Variants in COPG2 observed in about 807,000 individuals in gnomAD.
COPG2 encodes the protein coatomer subunit gamma-2.
A neutral mutation model predicts 46.3 loss-of-function variants in COPG2; 37 were observed. The ratio of observed to expected loss-of-function variants is 0.80; its 90% CI spans 0.61 to 1.05. The LOEUF is 1.05. Among genes scored for constraint, COPG2 ranks in the 50% least tolerant of loss-of-function variants. The pLI is 0.00. For synonymous variants in COPG2, 159 were observed against 129.7 expected, an observed-to-expected ratio of 1.23 and a Z score of -1.53; for missense variants, 427 against 387.8, an observed-to-expected ratio of 1.10 and a Z score of -0.85.
intron 4 of COPG2, among the ~76,000 whole-genome samples, chr7:130,662,031 A>C (rs62473531): frequency 1.3e-5 from 2 of 152,050 alleles, no homozygotes; most frequent in Non-Finnish European, 2.9e-5. Flanking sequence ...GGGGCCCTGA[A>C]AAGTAGAATG....
intron 9 of COPG2, among the ~76,000 whole-genome samples, chr7:130,586,817 C>G (rs1379833877): frequency 6.6e-6 from 1 of 151,968 alleles, no homozygotes; most frequent in Non-Finnish European, 1.5e-5. Context: ...AAATGTGAAT[C>G]TTTTCCTTCC....
chr7:130,607,767 A>G (rs782511684), intron 9 of COPG2: 8 of 519,892 alleles, frequency 1.5e-5, no homozygotes, highest in South Asian at 1.1e-4. Flanking sequence ...TGTTTTGACC[A>G]CTCTGTCCAG....
intron 9 of COPG2, among the ~76,000 whole-genome samples, chr7:130,602,076 T>C (rs1469400958): frequency 6.6e-6 from 1 of 152,168 alleles, no homozygotes; most frequent in African/African-American, 2.4e-5. Context: ...GGACCTTGAA[T>C]CAAACTGGAC....
chr7:130,532,703 G>GAAA (rs1799840515), intron 20 of COPG2, among the ~76,000 whole-genome samples: 1 of 152,146 alleles, frequency 6.6e-6, no homozygotes, highest in Non-Finnish European at 1.5e-5. Flanking sequence ...GAAAGGTATC[G>GAAA]GGAAGGCTTC....
intron 5 of COPG2, among the ~76,000 whole-genome samples, chr7:130,623,464 C>G (rs1010277562): frequency 6.6e-6 from 1 of 152,140 alleles, no homozygotes; most frequent in South Asian, 2.1e-4. Context: ...TAATTGTACA[C>G]GCCTTAGATT....
intron 9 of COPG2, among the ~76,000 whole-genome samples, chr7:130,570,408 G>A (rs149985827): frequency 0.14 from 20,969 of 152,140 alleles, 2,539 homozygotes; most frequent in African/African-American, 0.33. Context: ...TACAGCAACA[G>A]TGAGCCAGCA....
intron 9 of COPG2, chr7:130,610,183 T>C: frequency 2.1e-6 from 1 of 468,590 alleles, no homozygotes; most frequent in South Asian, 1.6e-5. Context: ...TAACTAATAC[T>C]TATCATTAGA....
chr7:130,527,138 TG>T (rs1273135741), intron 20 of COPG2, among the ~76,000 whole-genome samples: 64,447 of 151,246 alleles, frequency 0.43, 16,651 homozygotes, highest in East Asian at 0.6. Context: ...AGGAAGCCCC[TG>T]GAAGGACCTG....
At chr7:130,598,503 A>G (rs1389415745) in intron 9 of COPG2, among the ~76,000 whole-genome samples, 1 of 152,210 alleles carries the variant, frequency 6.6e-6, no homozygotes, top group Non-Finnish European at 1.5e-5. Flanking sequence ...GATACATCCT[A>G]AGCCCAGGAA....
chr7:130,641,282 T>C (rs1795461163), intron 5 of COPG2, among the ~76,000 whole-genome samples: 1 of 151,862 alleles, frequency 6.6e-6, no homozygotes, highest in South Asian at 2.1e-4. Context: ...TTGAGCTATG[T>C]GGAAAAGGCA....
intron 5 of COPG2, among the ~76,000 whole-genome samples, chr7:130,629,179 T>A (rs1287920773): frequency 6.6e-6 from 1 of 152,106 alleles, no homozygotes; most frequent in African/African-American, 2.4e-5. Flanking sequence ...TGTTTTGTCC[T>A]TTTTTGGGGG....
At chr7:130,617,347 A>C (rs1794968178) in intron 5 of COPG2, among the ~76,000 whole-genome samples, 1 of 152,216 alleles carries the variant, frequency 6.6e-6, no homozygotes, top group African/African-American at 2.4e-5. Context: ...TAAACAAAAC[A>C]ACCCCTTCCC....
chr7:130,570,466 A>T (rs1016690413), intron 9 of COPG2, among the ~76,000 whole-genome samples: 11 of 152,334 alleles, frequency 7.2e-5, no homozygotes, highest in African/African-American at 2.2e-4. Flanking sequence ...CTGCAATAAA[A>T]TAAAATACTT....
Position 130,634,612 on chromosome 7 carries a change from C to T in COPG2, c.324-17547G>A, listed in dbSNP as rs941258196. Among the ~76,000 whole-genome samples the T allele has an allele frequency of 1.5e-4, 23 of 152,196 alleles. 1 individual carries two copies. The highest frequency in any genetic ancestry group is 8.3e-4 in the South Asian group (4 of 4,822). On this transcript the variant is annotated intron_variant, in intron 5 of 23. Coordinates refer to ENST00000425248, the MANE Select transcript of COPG2 (RefSeq NM_012133.6). Reference sequence around the variant, plus strand: ...GTTGCTTATCAGCTTAAGGAGATTTCGGGCTGAGATGATGGGGTTTTCCAA... The same window carrying T: ...GTTGCTTATCAGCTTAAGGAGATTTTGGGCTGAGATGATGGGGTTTTCCAA...
intron 20 of COPG2, among the ~76,000 whole-genome samples, chr7:130,525,042 G>C (rs959359776): frequency 2.0e-5 from 3 of 152,168 alleles, no homozygotes; most frequent in Non-Finnish European, 4.4e-5. Flanking sequence ...GGGAGAAAAT[G>C]GGTGGATGAG....
At chr7:130,568,744 A>T (rs1473300888) in intron 9 of COPG2, among the ~76,000 whole-genome samples, 1 of 152,202 alleles carries the variant, frequency 6.6e-6, no homozygotes, top group African/African-American at 2.4e-5. Context: ...TCTACCCAAC[A>T]ACTGCAGAAT....
chr7:130,514,532 AG>A (rs1799662061), intron 20 of COPG2, among the ~76,000 whole-genome samples: 1 of 152,236 alleles, frequency 6.6e-6, no homozygotes, highest in African/African-American at 2.4e-5. Context: ...GAATTTGGCT[AG>A]GAAGTGCCAT....
At chr7:130,550,406 T>A in intron 17 of COPG2, 118 bp downstream of exon 17, 1 of 193,800 alleles carries the variant, frequency 5.2e-6, no homozygotes, top group East Asian at 5.6e-5. Flanking sequence ...AGTGAGACTC[T>A]ATCTCAAAAA....
chr7:130,641,032 A>C (rs1174239514), intron 5 of COPG2, among the ~76,000 whole-genome samples: 2 of 152,084 alleles, frequency 1.3e-5, no homozygotes, highest in African/African-American at 4.8e-5. Flanking sequence ...AGGTTAAAAA[A>C]AAAAATCAAG....
Sources: allele counts gnomAD v4.1 joint callset (sites outside exome capture counted in the v4.1 genomes callset), GRCh38; gene constraint gnomAD v4.1.1; transcripts MANE v1.5; gene names NCBI Gene and HGNC (gene_info 2026-07-23, HGNC 2026-07-21).